Variants in SLC9A9 observed in about 807,000 individuals in gnomAD.
The protein encoded by SLC9A9 is sodium/hydrogen exchanger 9.
SLC9A9 carries 62 observed loss-of-function variants against 77.8 expected under a neutral mutation model. The ratio of observed to expected loss-of-function variants is 0.80; its 90% CI spans 0.65 to 0.98. SLC9A9 has a LOEUF of 0.98. Among genes scored for constraint, SLC9A9 ranks in the 50% least tolerant of loss-of-function variants. The pLI, the probability that SLC9A9 is intolerant of heterozygous loss-of-function variation, is 0.00. For missense variants in SLC9A9, 775 were observed against 774.9 expected, an observed-to-expected ratio of 1.00 and a Z score of 0.00; for synonymous variants, 320 against 283.5, an observed-to-expected ratio of 1.13 and a Z score of -1.29.
At chr3:143,570,096 G>A (rs1002123976) in intron 8 of SLC9A9, among the ~76,000 whole-genome samples, 1 of 151,794 alleles carries the variant, frequency 6.6e-6, no homozygotes, top group Non-Finnish European at 1.5e-5. Context: ...ATGCATCATT[G>A]GTCCTAGCCA....
At chr3:143,839,971 G>GT (rs1438672781) in intron 1 of SLC9A9, among the ~76,000 whole-genome samples, 1 of 152,182 alleles carries the variant, frequency 6.6e-6, no homozygotes, top group Admixed American at 6.5e-5. Flanking sequence ...CCATAGGAGA[G>GT]TAATGGGATA....
rs1330898496 is a variant in SLC9A9 at position 143,804,445 on chromosome 3, C to T, written c.379-7542G>A. Reference sequence around the variant, plus strand: ...CTCCCCCTCTAAGCAGTTACCCCATCAGTCCCCATTACAACCTCTGATGGC... The same window carrying T: ...CTCCCCCTCTAAGCAGTTACCCCATTAGTCCCCATTACAACCTCTGATGGC... On this transcript the variant is annotated intron_variant, in intron 2 of 15. Coordinates refer to ENST00000316549, the MANE Select transcript of SLC9A9 (RefSeq NM_173653.4). 5.3e-5 allele frequency among the ~76,000 whole-genome samples: 8 copies of T among 152,302 alleles called. No homozygotes were observed. In the East Asian group the frequency reaches 1.5e-3, roughly 29 times the overall value.
At chr3:143,767,410 G>GTGTGTGTGTT (rs2007360988) in intron 4 of SLC9A9, among the ~76,000 whole-genome samples, 1 of 151,470 alleles carries the variant, frequency 6.6e-6, no homozygotes, top group African/African-American at 2.4e-5. Context: ...GTGTGTGTGT[G>GTGTGTGTGTT]TGTTTACAGA....
At chr3:143,504,719 T>C (rs2035982435) in intron 9 of SLC9A9, among the ~76,000 whole-genome samples, 2 of 152,184 alleles carry the variant, frequency 1.3e-5, no homozygotes, top group African/African-American at 4.8e-5. Context: ...TTTACATACT[T>C]TAACAATTTT....
rs550196807 is a variant in SLC9A9, at chr3:143,505,820, C to A, written c.1090-10372G>T. Among the ~76,000 whole-genome samples, 4 of 152,258 alleles carry A rather than the reference C, an allele frequency of 2.6e-5. No homozygotes were observed. The South Asian group carries it at 8.3e-4, about 32-fold the overall frequency. On this transcript the variant is annotated intron_variant, in intron 9 of 15. Coordinates refer to ENST00000316549, the MANE Select transcript of SLC9A9 (RefSeq NM_173653.4). ...CTACAAGGAATTGAGCTTCATTAAACTGAATAAATACTGAATAAATACTGT... is the reference window on the plus strand; with the variant it reads ...CTACAAGGAATTGAGCTTCATTAAAATGAATAAATACTGAATAAATACTGT...
At chr3:143,460,910 G>A (rs838613) in intron 12 of SLC9A9, among the ~76,000 whole-genome samples, 34,569 of 152,072 alleles carry the variant, frequency 0.23, 5,121 homozygotes, top group Non-Finnish European at 0.33. Context: ...TATTGTAGAA[G>A]AACATAAAGA....
intron 12 of SLC9A9, among the ~76,000 whole-genome samples, chr3:143,460,274 T>C (rs1334514860): frequency 1.3e-5 from 2 of 152,154 alleles, no homozygotes; most frequent in African/African-American, 2.4e-5. Context: ...AGAATCCTTG[T>C]ATAACTGCTA....
chr3:143,514,692 A>G (rs913688227), intron 9 of SLC9A9, among the ~76,000 whole-genome samples: 2 of 152,208 alleles, frequency 1.3e-5, no homozygotes, highest in African/African-American at 2.4e-5. Flanking sequence ...GCTAGCTTCA[A>G]TCTTTTTCTC....
chr3:143,299,529 C>T (rs977338262), intron 14 of SLC9A9, among the ~76,000 whole-genome samples: 7 of 151,912 alleles, frequency 4.6e-5, no homozygotes, highest in Admixed American at 1.3e-4. Context: ...CTGCAACCTC[C>T]GCCTCCTGGG....
At chr3:143,767,180 T>C (rs2007347120) in intron 4 of SLC9A9, among the ~76,000 whole-genome samples, 1 of 151,882 alleles carries the variant, frequency 6.6e-6, no homozygotes, top group South Asian at 2.1e-4. Flanking sequence ...ACAACTGAGG[T>C]TGGACTAGAG....
At chr3:143,411,516 T>C (rs768377558) in intron 12 of SLC9A9, among the ~76,000 whole-genome samples, 2 of 152,222 alleles carry the variant, frequency 1.3e-5, no homozygotes, top group Non-Finnish European at 2.9e-5. Context: ...GGTATTTAAC[T>C]CGATCTTCCA....
chr3:143,778,167 C>A lies in SLC9A9; in HGVS notation c.533+16834G>T, dbSNP rs968014447. On this transcript the variant is annotated intron_variant, in intron 4 of 15. Coordinates refer to ENST00000316549, the MANE Select transcript of SLC9A9 (RefSeq NM_173653.4). ...CTGTGTATGTTTTTAAATGCTTATT[C>A]TCAGGTTTTGTACTTATTCCTCCCA... Among the ~76,000 whole-genome samples, 4 of 149,282 alleles carry A rather than the reference C, an allele frequency of 2.7e-5. No individual in the cohort carries two copies. The South Asian group carries it at 8.6e-4, about 32-fold the overall frequency.
intron 9 of SLC9A9, among the ~76,000 whole-genome samples, chr3:143,520,483 A>T (rs1051752895): frequency 6.6e-6 from 1 of 152,210 alleles, no homozygotes; most frequent in African/African-American, 2.4e-5. Context: ...CTGTTGTTTA[A>T]ACTACCCAGT....
At chr3:143,759,988 G>A (rs1050341968) in intron 4 of SLC9A9, among the ~76,000 whole-genome samples, 8 of 152,172 alleles carry the variant, frequency 5.3e-5, no homozygotes, top group South Asian at 4.1e-4. Context: ...GAATATTCAT[G>A]AGCACTTTCA....
At position 143,278,767 on chromosome 3, in the gene SLC9A9, G is replaced by A. The variant is rs565002588; in HGVS notation, c.1605-9787C>T. Among the ~76,000 whole-genome samples, 3 of 152,320 alleles carry A rather than the reference G, an allele frequency of 2.0e-5. No homozygotes were observed. The South Asian group carries it at 6.2e-4, about 32-fold the overall frequency. On this transcript the variant is annotated intron_variant, in intron 14 of 15. Transcript: ENST00000316549. ...TTGCATTTGAGGTACTGGGGGTTAG[G>A]ACTTCAACATGCCTTTGTTGGAAGA... is the stretch of plus-strand genomic sequence containing the variant.
chr3:143,635,253 G>A (rs1427103039), intron 6 of SLC9A9, among the ~76,000 whole-genome samples: 1 of 152,212 alleles, frequency 6.6e-6, no homozygotes, highest in Admixed American at 6.5e-5. Context: ...TCACAGCAAG[G>A]TGGCTGGGTT....
chr3:143,391,275 G>A (rs972794123), intron 12 of SLC9A9, among the ~76,000 whole-genome samples: 8 of 152,198 alleles, frequency 5.3e-5, no homozygotes, highest in African/African-American at 1.9e-4. Context: ...CGATCAGGCA[G>A]CAACATTTGC....
chr3:143,803,833 C>T (rs1231786361), intron 2 of SLC9A9, among the ~76,000 whole-genome samples: 8 of 152,150 alleles, frequency 5.3e-5, no homozygotes, highest in African/African-American at 1.9e-4. Context: ...GCGACATCTC[C>T]TGTCTCCCTA....
rs1301604616 is a variant in SLC9A9, at chr3:143,448,501, T to A, written c.1469+18536A>T. On this transcript the variant is annotated intron_variant, in intron 12 of 15. Transcript: ENST00000316549. Reference sequence around the variant, plus strand: ...ATCAGGACAAAGTTTTAGAAAATTGTTAGGCATCCTCAAAAGCATGCAATT... The same window carrying A: ...ATCAGGACAAAGTTTTAGAAAATTGATAGGCATCCTCAAAAGCATGCAATT... Among the ~76,000 whole-genome samples, 5 of 152,176 alleles carry A rather than the reference T, an allele frequency of 3.3e-5. No homozygotes were observed. In the East Asian group the frequency reaches 9.7e-4, roughly 29 times the overall value.
Sources: allele counts gnomAD v4.1 joint callset (sites outside exome capture counted in the v4.1 genomes callset), GRCh38; gene constraint gnomAD v4.1.1; transcripts MANE v1.5; gene names NCBI Gene and HGNC (gene_info 2026-07-23, HGNC 2026-07-21).